MAP3K15: variants seen among roughly 807,000 people sequenced by gnomAD.
MAP3K15 encodes the protein mitogen-activated protein kinase kinase kinase 15.
Under a neutral mutation model 99.5 loss-of-function variants are expected in MAP3K15, and 124 were observed. The observed-to-expected ratio is 1.25, with a 90% CI of 1.08 to 1.45. MAP3K15 has a LOEUF of 1.45. Ranked by LOEUF, MAP3K15 falls within the 40% of genes most tolerant of loss-of-function variation. MAP3K15 has a pLI of 0.00. For synonymous variants in MAP3K15, 494 were observed against 439.6 expected (o/e 1.12, Z -1.55); for missense variants, 1,242 against 1,079.7 (o/e 1.15, Z -2.11).
At position 19,374,625 on chromosome X, in the gene MAP3K15, T is replaced by G; in HGVS notation, c.2625A>C (p.Glu875Asp). The G allele has an allele frequency of 8.3e-7, 1 of 1,211,298 alleles. No individual in the cohort carries two copies. The highest frequency in any genetic ancestry group is 1.1e-6 in the Non-Finnish European group (1 of 895,281). ...GMFKIHPEIP[E>D]ALSAEARAFI... ...AGGCTCGGGCTTCAGCTGAAAGGGC[T>G]TCTGGAATCTCAGGGTGGATCTTAA... The change falls in exon 20 of 29, where the codon GAA (glutamate) becomes GAC (aspartate). Residue 875 changes from glutamate to aspartate, a missense_variant. Coordinates refer to ENST00000338883, the MANE Select transcript of MAP3K15 (RefSeq NM_001001671.4).
chrX:19,413,667 T>G (rs1300386077), intron 10 of MAP3K15, among the ~76,000 whole-genome samples: 1 of 40,505 alleles, frequency 2.5e-5, no homozygotes, highest in African/African-American at 1.6e-4. Flanking sequence ...CATATTGAGA[T>G]GCCATCTCTT....
At chrX:19,426,563 C>G (rs2063831632) in intron 7 of MAP3K15, among the ~76,000 whole-genome samples, 1 of 110,594 alleles carries the variant, frequency 9.0e-6, no homozygotes, top group South Asian at 3.8e-4. Flanking sequence ...GCCTGTAATC[C>G]CAGCACTTTG....
rs141450966 is a variant in MAP3K15 at position 19,409,106 on chromosome X, T to G, written c.1748+818A>C. On this transcript the variant is annotated intron_variant, in intron 12 of 28. Coordinates refer to ENST00000338883, the MANE Select transcript of MAP3K15 (RefSeq NM_001001671.4). ...TTTGTACTTAAATTATTTCCCTCCT[T>G]TTAAGTGATGTTGATGGTATCCTAA... Among the ~76,000 whole-genome samples the G allele has an allele frequency of 7.0e-3, 782 of 111,566 alleles. 4 individuals are homozygous for G. Among genetic ancestry groups the G allele is most frequent in the Middle Eastern group, 0.028 (6 of 218 alleles).
chrX:19,388,894 G>A (rs763224774), intron 18 of MAP3K15, among the ~76,000 whole-genome samples: 2 of 111,895 alleles, frequency 1.8e-5, no homozygotes, highest in Non-Finnish European at 3.8e-5. Context: ...AATCCCAAAT[G>A]ACTGTTAACT....
intron 11 of MAP3K15, among the ~76,000 whole-genome samples, chrX:19,411,383 GAGA>G (rs929341759): frequency 8.9e-6 from 1 of 112,008 alleles, no homozygotes; most frequent in Non-Finnish European, 1.9e-5. Context: ...TTTCCGATGG[GAGA>G]AGTTTTAGTC....
chrX:19,464,275 C>T lies in MAP3K15; in HGVS notation c.657G>A (p.Pro219=), dbSNP rs200022856. The T allele has an allele frequency of 5.5e-5, 66 of 1,197,720 alleles. No individual in the cohort carries two copies. Among genetic ancestry groups the T allele is most frequent in the Non-Finnish European group, 7.0e-5 (63 of 894,721 alleles). ...ACCTGTCCACCAAAGGCATGCACAG[C>T]GGGCCCAGGATGTTGTCCCAGTTGG... ...MQPNWDNILG[P]LCMPLVDRFI... The change falls in exon 4 of 29, where the codon CCG becomes CCA. Residue 219 remains proline (P), a synonymous_variant. Coordinates refer to ENST00000338883, the MANE Select transcript of MAP3K15 (RefSeq NM_001001671.4).
intron 3 of MAP3K15, among the ~76,000 whole-genome samples, chrX:19,465,383 C>T: frequency 9.0e-6 from 1 of 111,222 alleles, no homozygotes; most frequent in African/African-American, 3.3e-5. Context: ...AGAATACTTA[C>T]ATCCTGCTGC....
Position 19,434,504 on chromosome X carries a change from C to T in MAP3K15, c.996-2896G>A, listed in dbSNP as rs1319309972. Among the ~76,000 whole-genome samples, 6 of 110,157 alleles carry T rather than the reference C, an allele frequency of 5.4e-5. No homozygotes were observed. In the East Asian group the frequency reaches 1.7e-3, roughly 31 times the overall value. On this transcript the variant is annotated intron_variant, in intron 6 of 28. Coordinates refer to ENST00000338883, the MANE Select transcript of MAP3K15 (RefSeq NM_001001671.4). ...CCACCCGCCTCGGCCTCCCAAAGTGCTGGGATTACAGGCGTGAGCCACTGC... is the reference window on the plus strand; with the variant it reads ...CCACCCGCCTCGGCCTCCCAAAGTGTTGGGATTACAGGCGTGAGCCACTGC...
intron 9 of MAP3K15, among the ~76,000 whole-genome samples, chrX:19,423,141 C>T (rs1041880457): frequency 3.7e-5 from 4 of 108,820 alleles, no homozygotes; most frequent in African/African-American, 6.7e-5. Flanking sequence ...GTAACCTGCA[C>T]GTTGTGCACA....
intron 6 of MAP3K15, among the ~76,000 whole-genome samples, chrX:19,432,354 A>G (rs1266084971): frequency 9.1e-6 from 1 of 110,485 alleles, no homozygotes; most frequent in Non-Finnish European, 1.9e-5. Context: ...ACTTAAGGTC[A>G]GGAATTCGAG....
intron 4 of MAP3K15, among the ~76,000 whole-genome samples, chrX:19,460,811 G>C (rs1248936027): frequency 6.7e-5 from 7 of 104,590 alleles, no homozygotes; most frequent in South Asian, 4.2e-4. Context: ...GTCTCCCTCT[G>C]TTGCCCAGGC....
At chrX:19,361,191 T>C (rs2063281884) in intron 28 of MAP3K15, 148 bp downstream of exon 28, 4 of 470,365 alleles carry the variant, frequency 8.5e-6, no homozygotes, top group African/African-American at 2.4e-5. Flanking sequence ...TGGCTTTCAG[T>C]TTCTGCCCCA....
At chrX:19,373,230 T>TGAGGGGGAGAGA (rs1297510967) in intron 21 of MAP3K15, 1 of 128,029 alleles carries the variant, frequency 7.8e-6, no homozygotes, top group African/African-American at 7.3e-5. Context: ...GGGGCAAGGG[T>TGAGGGGGAGAGA]GAGGGGGAGA....
chrX:19,480,241 C>T (rs898388517), intron 3 of MAP3K15, among the ~76,000 whole-genome samples: 1 of 111,557 alleles, frequency 9.0e-6, no homozygotes, highest in Admixed American at 9.5e-5. Flanking sequence ...CAATCCTTAT[C>T]AATATTCAAT....
At chrX:19,459,075 G>C (rs1416879849) in intron 5 of MAP3K15, among the ~76,000 whole-genome samples, 1 of 111,196 alleles carries the variant, frequency 9.0e-6, no homozygotes, top group Non-Finnish European at 1.9e-5. Flanking sequence ...TCCTGAATGT[G>C]TTTCTGCTAC....
chrX:19,446,953 T>G (rs2064002694), intron 6 of MAP3K15, among the ~76,000 whole-genome samples: 1 of 111,593 alleles, frequency 9.0e-6, no homozygotes, highest in African/African-American at 3.3e-5. Context: ...CCTGGCTCTG[T>G]GGCCCAGGCT....
At chrX:19,429,810 GAGAGAGAGA>G (rs2147309792) in intron 7 of MAP3K15, among the ~76,000 whole-genome samples, 2 of 89,481 alleles carry the variant, frequency 2.2e-5, no homozygotes, top group African/African-American at 1.3e-4. Flanking sequence ...GAGAGAGAGA[GAGAGAGAGA>G]GAGGAAGCAG....
At chrX:19,387,644 C>T (rs1039880501) in intron 18 of MAP3K15, among the ~76,000 whole-genome samples, 1 of 111,656 alleles carries the variant, frequency 9.0e-6, no homozygotes, top group Non-Finnish European at 1.9e-5. Flanking sequence ...ACCTCAGCCT[C>T]CCAGAGAGCT....
At chrX:19,462,500 C>A (rs773899089) in intron 4 of MAP3K15, among the ~76,000 whole-genome samples, 1 of 111,639 alleles carries the variant, frequency 9.0e-6, no homozygotes, top group South Asian at 3.8e-4. Flanking sequence ...TTAGGTTAGC[C>A]CGATAAGTAA....
Sources: gnomAD v4.1 joint callset for allele counts (sites outside exome capture counted in the v4.1 genomes callset) on GRCh38, gnomAD v4.1.1 for gene constraint, MANE v1.5 for transcripts, NCBI Gene and HGNC (gene_info 2026-07-23, HGNC 2026-07-21) for gene names.